Variants in C12orf42 observed in about 807,000 individuals in gnomAD.
C12orf42 encodes chromosome 12 open reading frame 42.
In C12orf42, 25 loss-of-function variants were observed where a neutral mutation model predicts 21.6. That is an observed-to-expected ratio of 1.16 (90% CI 0.84 to 1.62). C12orf42 has a LOEUF of 1.62. C12orf42 is among the 40% of genes most tolerant of loss of function. The pLI, the probability that C12orf42 is intolerant of heterozygous loss-of-function variation, is 0.00. For missense variants in C12orf42, 483 were observed against 459.3 expected, an observed-to-expected ratio of 1.05 and a Z score of -0.47; for synonymous variants, 174 against 175.0, an observed-to-expected ratio of 0.99 and a Z score of 0.05.
intron 2 of C12orf42, among the ~76,000 whole-genome samples, chr12:103,455,234 G>A (rs933066225): frequency 2.0e-4 from 31 of 152,100 alleles, no homozygotes; most frequent in African/African-American, 6.8e-4. Flanking sequence ...TCAAGATGAT[G>A]CTGCAACTGA....
At chr12:103,272,642 A>T (rs1419940826) in intron 5 of C12orf42, among the ~76,000 whole-genome samples, 2 of 152,208 alleles carry the variant, frequency 1.3e-5, no homozygotes, top group African/African-American at 4.8e-5. Context: ...TTCAATGAAA[A>T]TGGGCTCAAA....
intron 3 of C12orf42, among the ~76,000 whole-genome samples, chr12:103,383,248 C>T (rs915789865): frequency 1.3e-5 from 2 of 151,854 alleles, no homozygotes; most frequent in African/African-American, 2.4e-5. Flanking sequence ...ATTACAGGTG[C>T]CTGCCACCAT....
At chr12:103,153,756 T>C in the C12orf42 span, among the ~76,000 whole-genome samples, 1 of 152,112 alleles carries the variant, frequency 6.6e-6, no homozygotes, top group Non-Finnish European at 1.5e-5. Context: ...GGAGTATCTA[T>C]AATATCTAAA....
the C12orf42 span, among the ~76,000 whole-genome samples, chr12:103,108,969 G>C: frequency 6.6e-6 from 1 of 152,130 alleles, no homozygotes; most frequent in African/African-American, 2.4e-5. Context: ...TATTTGAAGA[G>C]AGATACATAT....
At chr12:103,221,727 C>T in the C12orf42 span, among the ~76,000 whole-genome samples, 1 of 152,290 alleles carries the variant, frequency 6.6e-6, no homozygotes, top group Admixed American at 6.5e-5. Context: ...TGGACAAACC[C>T]ATCCTTCAGT....
At chr12:103,526,881 T>C in the C12orf42 span, among the ~76,000 whole-genome samples, 2 of 152,252 alleles carry the variant, frequency 1.3e-5, no homozygotes, top group Non-Finnish European at 2.9e-5. Context: ...TATTTTGTTA[T>C]GGCAGCCTGA....
intron 3 of C12orf42, among the ~76,000 whole-genome samples, chr12:103,393,270 G>A (rs149702967): frequency 1.7e-4 from 26 of 152,290 alleles, no homozygotes; most frequent in Non-Finnish European, 3.1e-4. Flanking sequence ...AGTCATGATG[G>A]AAGGGGAAGC....
At chr12:103,540,705 G>A in the C12orf42 span, among the ~76,000 whole-genome samples, 1 of 152,006 alleles carries the variant, frequency 6.6e-6, no homozygotes, top group Admixed American at 6.6e-5. Context: ...TAAATAGCAT[G>A]TGACTGTATT....
At chr12:103,188,096 G>T in the C12orf42 span, among the ~76,000 whole-genome samples, 11 of 152,094 alleles carry the variant, frequency 7.2e-5, no homozygotes, top group Non-Finnish European at 1.3e-4. Context: ...TCAGAGCTGG[G>T]CTCTGTGTGG....
the C12orf42 span, chr12:103,162,689 C>A: frequency 6.6e-6 from 1 of 152,302 alleles, no homozygotes; most frequent in Non-Finnish European, 1.5e-5. Context: ...AGATTCTCAT[C>A]AGGCTCTCAT....
At chr12:103,552,922 G>A in the C12orf42 span, among the ~76,000 whole-genome samples, 1 of 151,714 alleles carries the variant, frequency 6.6e-6, no homozygotes, top group Non-Finnish European at 1.5e-5. Flanking sequence ...AGGGGAAACT[G>A]CCTTATAAAA....
At chr12:103,402,619 A>G (rs552124617) in intron 2 of C12orf42, among the ~76,000 whole-genome samples, 1 of 152,346 alleles carries the variant, frequency 6.6e-6, no homozygotes, top group South Asian at 2.1e-4. Flanking sequence ...AGCAGGAGGT[A>G]GTAACCAAAG....
intron 2 of C12orf42, among the ~76,000 whole-genome samples, chr12:103,407,216 C>T (rs1304349365): frequency 2.0e-5 from 3 of 151,996 alleles, no homozygotes; most frequent in Non-Finnish European, 4.4e-5. Flanking sequence ...GATGAGACAG[C>T]CAAGTGATTA....
chr12:103,296,183 G>T (rs1318296625), intron 4 of C12orf42, among the ~76,000 whole-genome samples: 1 of 151,896 alleles, frequency 6.6e-6, no homozygotes, highest in Non-Finnish European at 1.5e-5. Flanking sequence ...TCCCTACAAA[G>T]GACATGAACT....
At chr12:103,191,543 C>CAAA in the C12orf42 span, among the ~76,000 whole-genome samples, 206 of 58,090 alleles carry the variant, frequency 3.5e-3, 1 homozygote, top group Admixed American at 4.0e-3. Flanking sequence ...CTCCACTCTA[C>CAAA]AAAAAAAAAA....
the C12orf42 span, among the ~76,000 whole-genome samples, chr12:103,141,468 T>C: frequency 6.6e-6 from 1 of 151,832 alleles, no homozygotes; most frequent in Admixed American, 6.6e-5. Flanking sequence ...CAACTGACTT[T>C]GAAATTCACC....
chr12:103,306,394 C>T, intron 4 of C12orf42, 49 bp from the exon 5 acceptor site: 1 of 1,520,746 alleles, frequency 6.6e-7, no homozygotes, highest in Non-Finnish European at 8.8e-7. Flanking sequence ...AAAACACCTG[C>T]TAAATTAATG....
chr12:103,232,171 G>A, the C12orf42 span, among the ~76,000 whole-genome samples: 1 of 152,130 alleles, frequency 6.6e-6, no homozygotes, highest in Non-Finnish European at 1.5e-5. Flanking sequence ...TATTTAATGA[G>A]TTTTAAGAAT....
At chr12:103,480,872 T>A (rs1954418644) in intron 1 of C12orf42, among the ~76,000 whole-genome samples, 1 of 151,696 alleles carries the variant, frequency 6.6e-6, no homozygotes, top group South Asian at 2.1e-4. Context: ...AATTATTGGA[T>A]GTAATCTATA....
Sources: allele counts gnomAD v4.1 joint callset (sites outside exome capture counted in the v4.1 genomes callset), GRCh38; gene constraint gnomAD v4.1.1; transcripts MANE v1.5; gene names NCBI Gene and HGNC (gene_info 2026-07-23, HGNC 2026-07-21).